PCCA: variants seen among roughly 807,000 people sequenced by gnomAD.
PCCA encodes the protein propionyl-CoA carboxylase alpha chain, mitochondrial.
PCCA carries 74 observed loss-of-function variants against 101.3 expected under a neutral mutation model. The observed-to-expected ratio is 0.73, with a 90% CI of 0.61 to 0.89. The LOEUF is 0.89. Ranked by LOEUF, PCCA falls within the 40% of genes least tolerant of loss-of-function variation. PCCA has a pLI of 0.00. For missense variants in PCCA, 891 were observed against 907.0 expected, an observed-to-expected ratio of 0.98 and a Z score of 0.23; for synonymous variants, 294 against 313.6, an observed-to-expected ratio of 0.94 and a Z score of 0.66.
At chr13:100,202,920 T>G (rs2152467496) in intron 6 of PCCA, among the ~76,000 whole-genome samples, 1 of 152,252 alleles carries the variant, frequency 6.6e-6, no homozygotes, top group South Asian at 2.1e-4. Context: ...TTTCTAAATC[T>G]GATTTATACT....
At chr13:100,524,413 T>TGTGTGTGTGTGTGTGTGTGTGTG (rs2087570771) in intron 22 of PCCA, among the ~76,000 whole-genome samples, 2 of 42,842 alleles carry the variant, frequency 4.7e-5, no homozygotes, top group Admixed American at 2.8e-4. Context: ...GTGTGTGTGT[T>TGTGTGTGTGTGTGTGTGTGTGTG]GGGGTAGAAC....
At chr13:100,359,092 T>G (rs1595566814) in intron 18 of PCCA, among the ~76,000 whole-genome samples, 1 of 59,986 alleles carries the variant, frequency 1.7e-5, no homozygotes, top group African/African-American at 7.0e-5. Context: ...AGAGCAAGAC[T>G]CCTCAAAAAA....
At chr13:100,288,672 A>G (rs2064889131) in intron 12 of PCCA, among the ~76,000 whole-genome samples, 1 of 152,222 alleles carries the variant, frequency 6.6e-6, no homozygotes, top group Non-Finnish European at 1.5e-5. Context: ...ATCTACCATT[A>G]TGGTATCATA....
rs148399375 is a variant in PCCA, at chr13:100,169,381, C to T, written c.468+12041C>T. On this transcript the variant is annotated intron_variant, in intron 6 of 23. Coordinates refer to ENST00000376285, the MANE Select transcript of PCCA (RefSeq NM_000282.4). ...GCTGGAACCCAGGAGGCAGAGGTTG[C>T]AGTGAGCTGAGATCGTGCCACTACA... 1.4e-3 allele frequency among the ~76,000 whole-genome samples: 205 copies of T among 147,182 alleles called. 5 individuals carry two copies. The East Asian group carries it at 0.039, about 28-fold the overall frequency.
chr13:100,377,653 C>A (rs1595667364), intron 19 of PCCA, among the ~76,000 whole-genome samples: 1 of 151,996 alleles, frequency 6.6e-6, no homozygotes, highest in African/African-American at 2.4e-5. Context: ...TGCCACCACG[C>A]CCGGCTAATT....
At chr13:100,150,768 A>C in intron 4 of PCCA, 2 of 1,588,860 alleles carry the variant, frequency 1.3e-6, no homozygotes, top group Admixed American at 1.7e-5. Flanking sequence ...AAAGCCCCAC[A>C]GTGGCGTCCA....
At position 100,206,242 on chromosome 13, in the gene PCCA, G is replaced by C. The variant is rs1247129149; in HGVS notation, c.469-3090G>C. 2.0e-5 allele frequency among the ~76,000 whole-genome samples: 3 copies of C among 152,110 alleles called. No homozygotes were observed. In the East Asian group the frequency reaches 5.8e-4, roughly 29 times the overall value. The stretch of plus-strand genomic sequence containing the variant: ...CTATAATATTATTTTAGAGTCCTGT[G>C]GACCTAGCTATCTTATTATTCTAGT... On this transcript the variant is annotated intron_variant, in intron 6 of 23. Transcript: ENST00000376285.
At chr13:100,110,388 G>A (rs1314579397) in intron 2 of PCCA, among the ~76,000 whole-genome samples, 1 of 152,126 alleles carries the variant, frequency 6.6e-6, no homozygotes, top group East Asian at 1.9e-4. Context: ...TTACTAAATA[G>A]CTTTCCATTT....
intron 4 of PCCA, among the ~76,000 whole-genome samples, chr13:100,117,420 TTG>T (rs1245055150): frequency 6.8e-6 from 1 of 146,454 alleles, no homozygotes; most frequent in East Asian, 2.0e-4. Context: ...CATATGTACA[TTG>T]TGTGTGTGCA....
At chr13:100,382,400 A>T (rs182247148) in intron 19 of PCCA, among the ~76,000 whole-genome samples, 1 of 152,146 alleles carries the variant, frequency 6.6e-6, no homozygotes, top group East Asian at 1.9e-4. Flanking sequence ...GCACAGGATG[A>T]GGTGGGGTGG....
At chr13:100,166,003 A>T (rs2055001510) in intron 6 of PCCA, among the ~76,000 whole-genome samples, 1 of 152,276 alleles carries the variant, frequency 6.6e-6, no homozygotes, top group Admixed American at 6.5e-5. Flanking sequence ...GTGCACATAT[A>T]TAAGAAATTA....
At chr13:100,097,054 A>G (rs1400840083) in intron 1 of PCCA, among the ~76,000 whole-genome samples, 2 of 152,224 alleles carry the variant, frequency 1.3e-5, no homozygotes, top group African/African-American at 4.8e-5. Flanking sequence ...ACTGTTTTGA[A>G]CAATAATTAA....
chr13:100,376,165 A>G (rs900293000), intron 19 of PCCA, among the ~76,000 whole-genome samples: 35 of 152,300 alleles, frequency 2.3e-4, no homozygotes, highest in African/African-American at 8.4e-4. Context: ...TTGACTGGGT[A>G]TCACTAGCAG....
intron 10 of PCCA, among the ~76,000 whole-genome samples, chr13:100,264,266 C>T (rs911474897): frequency 2.0e-5 from 3 of 149,952 alleles, no homozygotes; most frequent in African/African-American, 7.3e-5. Flanking sequence ...ATCTGTATCT[C>T]ATATATATGT....
chr13:100,154,535 A>T (rs572146777), intron 4 of PCCA: 2 of 233,412 alleles, frequency 8.6e-6, no homozygotes, highest in South Asian at 1.2e-4. Flanking sequence ...CTGTGCAGGG[A>T]CACTCACTGC....
intron 21 of PCCA, among the ~76,000 whole-genome samples, chr13:100,510,477 G>A (rs886850719): frequency 1.3e-5 from 2 of 152,190 alleles, no homozygotes; most frequent in African/African-American, 4.8e-5. Context: ...AAGTGGGCCT[G>A]CTTTGTACCG....
intron 4 of PCCA, among the ~76,000 whole-genome samples, chr13:100,114,615 G>A (rs186077935): frequency 1.3e-5 from 2 of 152,036 alleles, no homozygotes; most frequent in African/African-American, 2.4e-5. Context: ...ATAAAAAGGG[G>A]CAAAAGATCT....
chr13:100,139,294 A>C (rs566613420), intron 4 of PCCA, among the ~76,000 whole-genome samples: 15 of 151,994 alleles, frequency 9.9e-5, no homozygotes, highest in African/African-American at 3.6e-4. Flanking sequence ...GGAAGTTTTC[A>C]GTCCTTATTA....
intron 16 of PCCA, among the ~76,000 whole-genome samples, chr13:100,316,779 C>CT (rs376332378): frequency 0.15 from 21,454 of 146,130 alleles, 2,097 homozygotes; most frequent in African/African-American, 0.28. Flanking sequence ...TAATAGTATT[C>CT]TTTTTTTTTT....
Sources: gnomAD v4.1 joint callset for allele counts (sites outside exome capture counted in the v4.1 genomes callset) on GRCh38, gnomAD v4.1.1 for gene constraint, MANE v1.5 for transcripts, NCBI Gene and HGNC (gene_info 2026-07-23, HGNC 2026-07-21) for gene names.